SNRPN: variants seen among roughly 807,000 people sequenced by gnomAD.
SNRPN encodes the protein small nuclear ribonucleoprotein-associated protein N.
Under a neutral mutation model 25.2 loss-of-function variants are expected in SNRPN, and 7 were observed. The ratio of observed to expected loss-of-function variants is 0.28; its 90% confidence interval spans 0.16 to 0.52. The LOEUF (loss-of-function observed/expected upper bound fraction) is 0.52, where lower values mean the gene tolerates loss of function less well. Among genes scored for constraint, SNRPN ranks in the 20% least tolerant of loss-of-function variants. The pLI, the probability that SNRPN is intolerant of heterozygous loss-of-function variation, is 0.96. For missense variants in SNRPN, 196 were observed against 322.5 expected (o/e 0.61, Z 3.00); for synonymous variants, 124 against 110.6 (o/e 1.12, Z -0.76).
At chr15:24,882,551 G>A (rs530633828) in intron 1 of SNRPN, among the ~76,000 whole-genome samples, 2 of 152,222 alleles carry the variant, frequency 1.3e-5, no homozygotes, top group East Asian at 1.9e-4. Flanking sequence ...AGTTGGCCAG[G>A]CACGGTGGCT....
At chr15:24,922,117 G>A (rs1363722083) in intron 3 of SNRPN, among the ~76,000 whole-genome samples, 2 of 151,950 alleles carry the variant, frequency 1.3e-5, no homozygotes, top group Non-Finnish European at 2.9e-5. Context: ...GGAGACTAAG[G>A]CAGGAGAATC....
intron 3 of SNRPN, among the ~76,000 whole-genome samples, chr15:24,936,486 G>C (rs1304688014): frequency 6.6e-6 from 1 of 152,142 alleles, no homozygotes; most frequent in Non-Finnish European, 1.5e-5. Context: ...ATTGGGGACT[G>C]TATTGGTCCA....
At chr15:24,884,158 A>AAAAAAAAAAAAAAAAAAAAC (rs1293904739) in intron 1 of SNRPN, among the ~76,000 whole-genome samples, 1 of 150,834 alleles carries the variant, frequency 6.6e-6, no homozygotes, top group Non-Finnish European at 1.5e-5. Context: ...CAAAAAAAAA[A>AAAAAAAAAAAAAAAAAAAAC]AAAAAAGATC....
chr15:24,858,111 G>A (rs1450832026), intron 1 of SNRPN, among the ~76,000 whole-genome samples: 2 of 152,144 alleles, frequency 1.3e-5, no homozygotes, highest in Non-Finnish European at 2.9e-5. Context: ...TTATCCCCAG[G>A]AGCAGTTTGA....
intron 3 of SNRPN, among the ~76,000 whole-genome samples, chr15:24,935,946 C>T (rs1452067659): frequency 1.3e-5 from 2 of 151,918 alleles, no homozygotes. Flanking sequence ...AAAACCACGT[C>T]TCTACTAAAA....
intron 3 of SNRPN, among the ~76,000 whole-genome samples, chr15:24,925,036 T>A (rs1012617673): frequency 6.6e-6 from 1 of 152,154 alleles, no homozygotes; most frequent in Non-Finnish European, 1.5e-5. Flanking sequence ...TAGTATAAAC[T>A]CTCTATTGGA....
intron 1 of SNRPN, among the ~76,000 whole-genome samples, chr15:24,870,855 A>AT (rs11367544): frequency 0.014 from 2,069 of 147,096 alleles, 36 homozygotes; most frequent in African/African-American, 0.036. Flanking sequence ...CCTACAAATA[A>AT]TTTTTTTTTT....
intron 1 of SNRPN, among the ~76,000 whole-genome samples, chr15:24,882,227 A>G (rs1566865730): frequency 1.4e-5 from 2 of 142,398 alleles, no homozygotes; most frequent in Non-Finnish European, 3.1e-5. Flanking sequence ...CATTTTTGCT[A>G]CAAAGCCTTT....
Position 24,891,541 on chromosome 15 carries a change from G to A in SNRPN, c.-505+4952G>A, listed in dbSNP as rs140342603. ...CAACTTCTGCCTCCTGGGTTCAAGC[G>A]ATTCTCCTGCCTCACCCTCCCAAGT... On this transcript the variant is annotated intron_variant, in intron 2 of 11. Coordinates refer to the SNRPN transcript ENST00000400097. Among the ~76,000 whole-genome samples the A allele has an allele frequency of 4.3e-3, 656 of 151,920 alleles. 6 individuals carry two copies. The highest frequency in any genetic ancestry group is 0.015 in the African/African-American group (623 of 41,434).
intron 2 of SNRPN, among the ~76,000 whole-genome samples, chr15:24,918,584 CAT>C (rs1372052714): frequency 1.0e-4 from 8 of 79,808 alleles, no homozygotes; most frequent in African/African-American, 4.4e-4. Context: ...ATATATATAA[CAT>C]AATATATATG....
At chr15:24,962,314 C>G in intron 2 of SNRPN, 105 bp downstream of exon 2, 1 of 883,526 alleles carries the variant, frequency 1.1e-6, no homozygotes, top group South Asian at 1.4e-5. Context: ...ATTGAAGAAG[C>G]AGACACATCT....
chr15:24,912,451 CG>C, intron 2 of SNRPN: 1 of 152,236 alleles, frequency 6.6e-6, no homozygotes, highest in South Asian at 2.1e-4. Context: ...ATGCGACTTT[CG>C]ACTTACACTT....
chr15:24,846,368 C>T (rs551358044), intron 2 of SNRPN, among the ~76,000 whole-genome samples: 28 of 152,094 alleles, frequency 1.8e-4, no homozygotes, highest in Non-Finnish European at 1.5e-4. Context: ...AATCTAGTGG[C>T]AGCCATGTGG....
intron 1 of SNRPN, among the ~76,000 whole-genome samples, chr15:24,873,965 T>C (rs1164755310): frequency 1.3e-5 from 2 of 151,332 alleles, no homozygotes; most frequent in Non-Finnish European, 2.9e-5. Flanking sequence ...CACAGCATAC[T>C]TCATTCACTC....
chr15:24,877,330 G>A (rs1014564598), intron 1 of SNRPN, among the ~76,000 whole-genome samples: 2 of 152,246 alleles, frequency 1.3e-5, no homozygotes, highest in East Asian at 1.9e-4. Flanking sequence ...TCAGAAGCAC[G>A]TGCTACACTA....
intron 2 of SNRPN, among the ~76,000 whole-genome samples, chr15:24,966,605 A>C (rs1029493768): frequency 2.0e-5 from 3 of 152,116 alleles, no homozygotes; most frequent in Non-Finnish European, 4.4e-5. Flanking sequence ...TCTCATTACC[A>C]AGAACTCAGG....
intron 2 of SNRPN, among the ~76,000 whole-genome samples, chr15:24,902,449 C>G: frequency 6.6e-6 from 1 of 152,090 alleles, no homozygotes; most frequent in Non-Finnish European, 1.5e-5. Context: ...AGGAAAGAAA[C>G]TAAGTATGAA....
chr15:24,958,490 T>TTTG (rs2074213319), intron 1 of SNRPN, among the ~76,000 whole-genome samples: 1 of 35,098 alleles, frequency 2.8e-5, no homozygotes, highest in Non-Finnish European at 5.1e-5. Context: ...CTCAAAGTTT[T>TTTG]TTTTTTTTTT....
intron 3 of SNRPN, among the ~76,000 whole-genome samples, chr15:24,969,256 G>T (rs2076091461): frequency 6.6e-6 from 1 of 152,086 alleles, no homozygotes; most frequent in Non-Finnish European, 1.5e-5. Context: ...AGCCTCCCAA[G>T]TATCTGGGAT....
Sources: gnomAD v4.1 joint callset for allele counts (sites outside exome capture counted in the v4.1 genomes callset) on GRCh38, gnomAD v4.1.1 for gene constraint, MANE v1.5 for transcripts, NCBI Gene and HGNC (gene_info 2026-07-23, HGNC 2026-07-21) for gene names.